NAV2: variants seen among roughly 807,000 people sequenced by gnomAD.
NAV2 encodes the protein helicase, APC down-regulated 1.
Under a neutral mutation model 223.2 loss-of-function variants are expected in NAV2, and 54 were observed. The observed-to-expected ratio is 0.24, with a 90% confidence interval of 0.19 to 0.30. The LOEUF (loss-of-function observed/expected upper bound fraction) is 0.30. NAV2 is among the 10% of genes least tolerant of loss of function. NAV2 has a pLI of 1.00. For missense variants in NAV2, 2,806 were observed against 3,147.5 expected, an observed-to-expected ratio of 0.89 and a Z score of 2.60; for synonymous variants, 1,279 against 1,239.3, an observed-to-expected ratio of 1.03 and a Z score of -0.67.
At chr11:19,765,186 C>T (rs116848115) in intron 1 of NAV2, among the ~76,000 whole-genome samples, 107 of 152,194 alleles carry the variant, frequency 7.0e-4, no homozygotes, top group Non-Finnish European at 1.4e-3. Flanking sequence ...CTGATAACAC[C>T]GGAAATAAAA....
At position 19,488,287 on chromosome 11, in the gene NAV2, T is replaced by C. The variant is rs577145729; in HGVS notation, c.75+137260T>C. The stretch of plus-strand genomic sequence containing the variant: ...CAAAATGAAAAGAAGCTACTCTAAA[T>C]ACAGTGATGTTATAACTAGCTTTAT... On this transcript the variant is annotated intron_variant, in intron 1 of 37. Coordinates refer to the NAV2 transcript ENST00000360655. Among the ~76,000 whole-genome samples the C allele has an allele frequency of 6.6e-5, 10 of 152,336 alleles. No homozygotes were observed. The East Asian group carries it at 1.9e-3, about 29-fold the overall frequency.
chr11:19,495,819 T>C (rs1383733691), intron 1 of NAV2, among the ~76,000 whole-genome samples: 1 of 152,076 alleles, frequency 6.6e-6, no homozygotes, highest in Non-Finnish European at 1.5e-5. Flanking sequence ...GAAGAATAGA[T>C]TGCTAAGGGA....
At chr11:19,819,437 TG>T (rs1228870070) in intron 1 of NAV2, among the ~76,000 whole-genome samples, 7 of 152,148 alleles carry the variant, frequency 4.6e-5, no homozygotes, top group Non-Finnish European at 2.9e-5. Flanking sequence ...CCCACAGGGT[TG>T]TTTTAATTGC....
chr11:19,633,576 C>T (rs1286329899), intron 1 of NAV2, among the ~76,000 whole-genome samples: 1 of 152,262 alleles, frequency 6.6e-6, no homozygotes, highest in East Asian at 1.9e-4. Context: ...TCTGGGGCAG[C>T]CGGCAAATCA....
chr11:19,597,536 C>T (rs1349654716), intron 1 of NAV2, among the ~76,000 whole-genome samples: 2 of 152,238 alleles, frequency 1.3e-5, no homozygotes, highest in Admixed American at 6.5e-5. Context: ...ACAACAGTCC[C>T]TTCCACCCAG....
chr11:19,918,550 G>A (rs766459130), intron 6 of NAV2, among the ~76,000 whole-genome samples: 4 of 152,206 alleles, frequency 2.6e-5, no homozygotes, highest in Non-Finnish European at 5.9e-5. Context: ...CAACATTCTG[G>A]TTGAGTTATA....
At chr11:19,834,892 T>A (rs1450222947) in intron 2 of NAV2, among the ~76,000 whole-genome samples, 1 of 152,164 alleles carries the variant, frequency 6.6e-6, no homozygotes, top group Admixed American at 6.5e-5. Context: ...AAATTCAAGT[T>A]AGGTATCAAA....
At chr11:19,857,566 G>T (rs1469970752) in intron 3 of NAV2, among the ~76,000 whole-genome samples, 3 of 152,146 alleles carry the variant, frequency 2.0e-5, no homozygotes, top group African/African-American at 7.2e-5. Flanking sequence ...AGACTGTCAG[G>T]TTCCAGGTAA....
chr11:19,661,135 T>G (rs916249924), intron 1 of NAV2, among the ~76,000 whole-genome samples: 1 of 152,160 alleles, frequency 6.6e-6, no homozygotes. Flanking sequence ...GCAACCACTA[T>G]TCAGCTTTCT....
intron 10 of NAV2, among the ~76,000 whole-genome samples, chr11:19,962,016 C>T (rs1487903847): frequency 1.3e-5 from 2 of 151,636 alleles, no homozygotes; most frequent in African/African-American, 2.4e-5. Context: ...TGTCATTGAG[C>T]AAGTCCAAAA....
chr11:20,028,022 A>C (rs1329017750), intron 11 of NAV2, among the ~76,000 whole-genome samples: 1 of 152,208 alleles, frequency 6.6e-6, no homozygotes, highest in Non-Finnish European at 1.5e-5. Flanking sequence ...TGCTTCTTTT[A>C]GATACCTCTC....
intron 1 of NAV2, among the ~76,000 whole-genome samples, chr11:19,706,389 G>T (rs1426678680): frequency 1.3e-5 from 2 of 152,058 alleles, no homozygotes; most frequent in African/African-American, 2.4e-5. Flanking sequence ...ATTACTTTAG[G>T]TTTTTTGTTA....
chr11:19,393,720 C>A (rs1849332223), intron 1 of NAV2, among the ~76,000 whole-genome samples: 1 of 152,164 alleles, frequency 6.6e-6, no homozygotes, highest in African/African-American at 2.4e-5. Context: ...TGTAATTGGA[C>A]ATACCTCTAG....
intron 1 of NAV2, among the ~76,000 whole-genome samples, chr11:19,551,868 C>T (rs75938344): frequency 0.018 from 2,699 of 151,950 alleles, 93 homozygotes; most frequent in African/African-American, 0.063. Context: ...TTACTCTGCT[C>T]CTTCCCCTCC....
At chr11:19,690,611 A>T (rs1590096231) in intron 1 of NAV2, among the ~76,000 whole-genome samples, 1 of 152,344 alleles carries the variant, frequency 6.6e-6, no homozygotes, top group East Asian at 1.9e-4. Flanking sequence ...GGCAGTGACA[A>T]TGGGGACACA....
chr11:20,098,070 G>A (rs999477692), intron 31 of NAV2, among the ~76,000 whole-genome samples: 1 of 152,166 alleles, frequency 6.6e-6, no homozygotes, highest in African/African-American at 2.4e-5. Flanking sequence ...AGCAAGCTTT[G>A]GATGCAGTCC....
intron 1 of NAV2, among the ~76,000 whole-genome samples, chr11:19,827,060 G>A (rs2059675329): frequency 6.6e-6 from 1 of 152,190 alleles, no homozygotes; most frequent in Admixed American, 6.5e-5. Flanking sequence ...ATGGGGGACA[G>A]GCATTGGAAT....
At chr11:19,796,278 A>G (rs1194521438) in intron 1 of NAV2, among the ~76,000 whole-genome samples, 1 of 152,146 alleles carries the variant, frequency 6.6e-6, no homozygotes, top group East Asian at 1.9e-4. Context: ...CTTGAAACCA[A>G]GAGTTCAACC....
intron 1 of NAV2, among the ~76,000 whole-genome samples, chr11:19,520,759 G>T (rs2702714): frequency 0.45 from 68,100 of 152,044 alleles, 15,531 homozygotes; most frequent in Middle Eastern, 0.5. Context: ...CCAAGCGAGG[G>T]CCCAGTGGTG....
Sources: gnomAD v4.1 joint callset for allele counts (sites outside exome capture counted in the v4.1 genomes callset) on GRCh38, gnomAD v4.1.1 for gene constraint, MANE v1.5 for transcripts, NCBI Gene and HGNC (gene_info 2026-07-23, HGNC 2026-07-21) for gene names.